SDC3: variants seen among roughly 807,000 people sequenced by gnomAD.
SDC3 encodes the protein syndecan 3.
A neutral mutation model predicts 24.4 loss-of-function variants in SDC3; 13 were observed. The ratio of observed to expected loss-of-function variants is 0.53; its 90% CI spans 0.35 to 0.85. The LOEUF (loss-of-function observed/expected upper bound fraction) is 0.85. Ranked by LOEUF, SDC3 falls within the 40% of genes least tolerant of loss-of-function variation. The pLI, the probability that SDC3 is intolerant of heterozygous loss-of-function variation, is 0.01. For missense variants in SDC3, 571 were observed against 584.5 expected, an observed-to-expected ratio of 0.98 and a Z score of 0.24; for synonymous variants, 295 against 260.9, an observed-to-expected ratio of 1.13 and a Z score of -1.26.
intron 1 of SDC3, among the ~76,000 whole-genome samples, chr1:30,892,952 C>A (rs987583938): frequency 1.2e-4 from 19 of 152,196 alleles, no homozygotes; most frequent in African/African-American, 4.6e-4. Flanking sequence ...CCAGCTGCTG[C>A]CATTAGGGAC....
intron 1 of SDC3, among the ~76,000 whole-genome samples, chr1:30,908,145 C>G (rs1030078576): frequency 6.6e-6 from 1 of 151,978 alleles, no homozygotes; most frequent in African/African-American, 2.4e-5. Context: ...GGTTCCCTCC[C>G]GGGATTCCCT....
intron 1 of SDC3, among the ~76,000 whole-genome samples, chr1:30,892,444 AAT>A (rs1639921254): frequency 9.8e-6 from 1 of 101,628 alleles, no homozygotes; most frequent in African/African-American, 5.2e-5. Context: ...GCCCCCAGGG[AAT>A]GAATGAATGA....
intron 1 of SDC3, among the ~76,000 whole-genome samples, chr1:30,891,574 A>G (rs994353150): frequency 3.3e-5 from 5 of 152,186 alleles, no homozygotes; most frequent in African/African-American, 1.2e-4. Flanking sequence ...CTGATCTCTC[A>G]GCCATTAAGA....
In SDC3 at chr1:30,893,178, G is replaced by A. The variant is rs560230647; in HGVS notation, c.139-14438C>T. Among the ~76,000 whole-genome samples the A allele has an allele frequency of 1.8e-4, 27 of 151,914 alleles. 1 individual carries two copies. The highest frequency in any genetic ancestry group is 9.8e-4 in the Admixed American group (15 of 15,246). ...GGGAAGGTGCAGGGTCAGGGGAATC[G>A]GCCCATGCAATCTCTGTGCACCTCC... On this transcript the variant is annotated intron_variant, in intron 1 of 4. Transcript: ENST00000339394.
Position 30,876,895 on chromosome 1 carries a change from A to C in SDC3, c.527T>G (p.Val176Gly). 6.2e-7 allele frequency: 1 copy of C among 1,613,794 alleles called. No homozygotes were observed. The highest frequency in any genetic ancestry group is 8.5e-7 in the Non-Finnish European group (1 of 1,179,910). ...TAATSTGDPT[V>G]ATVPATVATA... is the part of the protein sequence containing the mutation. ...GGCCACTGTGGCAGGCACTGTGGCC[A>C]CAGTCGGGTCCCCTGTGCTTGTGGC... Residue 176 changes from valine to glycine, a missense_variant, in exon 3 of 5, where the codon GTG (valine) becomes GGG (glycine). Transcript: ENST00000339394.
At chr1:30,893,388 G>A (rs1639937483) in intron 1 of SDC3, among the ~76,000 whole-genome samples, 1 of 145,174 alleles carries the variant, frequency 6.9e-6, no homozygotes. Context: ...TTTTCCACCA[G>A]CGGGACTGTT....
intron 1 of SDC3, among the ~76,000 whole-genome samples, chr1:30,904,331 G>A (rs1007917795): frequency 2.6e-5 from 4 of 152,134 alleles, no homozygotes; most frequent in African/African-American, 2.4e-5. Flanking sequence ...CGGGGCTCTC[G>A]GTAAACATGA....
At chr1:30,899,802 C>T (rs948943827) in intron 1 of SDC3, among the ~76,000 whole-genome samples, 3 of 152,182 alleles carry the variant, frequency 2.0e-5, no homozygotes, top group Admixed American at 6.5e-5. Context: ...ACCAGTAAAC[C>T]TGCCTGAAGC....
chr1:30,887,182 C>T (rs1316946823), intron 1 of SDC3, among the ~76,000 whole-genome samples: 1 of 151,964 alleles, frequency 6.6e-6, no homozygotes, highest in African/African-American at 2.4e-5. Flanking sequence ...GTAGGCACCC[C>T]CTGCCCCCAC....
intron 1 of SDC3, among the ~76,000 whole-genome samples, chr1:30,903,422 G>T (rs1029257579): frequency 6.6e-6 from 1 of 152,036 alleles, no homozygotes; most frequent in Admixed American, 6.6e-5. Context: ...CACATGTGTG[G>T]GCACACACAC....
chr1:30,884,919 A>C (rs72882078), intron 1 of SDC3, among the ~76,000 whole-genome samples: 8,210 of 150,468 alleles, frequency 0.055, 769 homozygotes, highest in African/African-American at 0.19. Context: ...CGCAGCTATC[A>C]ACAATTGAGT....
intron 2 of SDC3, 81 bp downstream of exon 2, chr1:30,878,542 C>A: frequency 1.7e-6 from 2 of 1,146,718 alleles, no homozygotes; most frequent in East Asian, 2.3e-5. Context: ...CTGAAGCAAG[C>A]CCCCCGTGGG....
At chr1:30,899,135 G>A (rs1465987863) in intron 1 of SDC3, among the ~76,000 whole-genome samples, 2 of 152,136 alleles carry the variant, frequency 1.3e-5, no homozygotes, top group Non-Finnish European at 2.9e-5. Flanking sequence ...TGCCCAGGCT[G>A]GAGTGCAGTG....
At chr1:30,907,750 C>A (rs760369768) in intron 1 of SDC3, among the ~76,000 whole-genome samples, 30 of 151,830 alleles carry the variant, frequency 2.0e-4, no homozygotes, top group South Asian at 1.0e-3. Context: ...TGGCCACACA[C>A]GCCCACACAC....
chr1:30,891,045 A>G (rs902195217), intron 1 of SDC3, among the ~76,000 whole-genome samples: 1 of 152,112 alleles, frequency 6.6e-6, no homozygotes, highest in Non-Finnish European at 1.5e-5. Context: ...GCCGTCCCCA[A>G]CCCTCGACCC....
At chr1:30,878,763 C>T in intron 1 of SDC3, 23 bp from the exon 2 acceptor site, 3 of 1,604,170 alleles carry the variant, frequency 1.9e-6, no homozygotes. Context: ...GAGGTGGACA[C>T]AGGGCTCGGC....
intron 1 of SDC3, among the ~76,000 whole-genome samples, chr1:30,879,654 C>T (rs1444915579): frequency 6.6e-6 from 1 of 152,130 alleles, no homozygotes; most frequent in South Asian, 2.1e-4. Context: ...ACCCAGGCTC[C>T]GGCTCCTGCC....
In SDC3 at chr1:30,870,027, A is replaced by G. The variant is rs1479395647; in HGVS notation, c.*3184T>C. 5.0e-6 allele frequency: 2 copies of G among 397,532 alleles called. No homozygotes were observed. The highest frequency in any genetic ancestry group is 3.6e-5 in the East Asian group (1 of 28,082). The allele number at this position is 397,532 out of a possible 1,614,324, so 24.6% of individuals were successfully genotyped here. On this transcript the variant is annotated 3_prime_UTR_variant, in exon 5 of 5. Coordinates refer to ENST00000339394, the MANE Select transcript of SDC3 (RefSeq NM_014654.4). ...TTGCGGGCTTCTATTTACAGGCAAG[A>G]GGCCTGGGGAGGCAAGTCCAGGGTT...
rs920498492 is a variant in SDC3 at position 30,872,237 on chromosome 1, TGTGTGGTGCCAGA to T, written c.*961_*973del. On this transcript the variant is annotated 3_prime_UTR_variant, in exon 5 of 5. Coordinates refer to ENST00000339394, the MANE Select transcript of SDC3 (RefSeq NM_014654.4). ...GTAAGCCTGAAAGCTGGAGACAATG[TGTGTGGTGCCAGA>T]GTGTGGGTGTATTTGGGGTAGGAGG... The T allele has an allele frequency of 6.6e-6, 1 of 152,266 alleles. No homozygotes were observed. Among genetic ancestry groups the T allele is most frequent in the Admixed American group, 6.5e-5 (1 of 15,280 alleles). 9.4% of individuals were successfully genotyped at this position (152,266 alleles called of 1,614,324 possible).
Sources: gnomAD v4.1 joint callset for allele counts (sites outside exome capture counted in the v4.1 genomes callset) on GRCh38, gnomAD v4.1.1 for gene constraint, MANE v1.5 for transcripts, NCBI Gene and HGNC (gene_info 2026-07-23, HGNC 2026-07-21) for gene names.